Variants in LARGE1 observed in about 807,000 individuals in gnomAD.
The protein encoded by LARGE1 is xylosyl- and glucuronyltransferase LARGE1.
LARGE1 carries 43 observed loss-of-function variants against 87.6 expected under a neutral mutation model. That is an observed-to-expected ratio of 0.49 (90% CI 0.38 to 0.63). The LOEUF is 0.63. LARGE1 is among the 30% of genes least tolerant of loss of function. The pLI is 0.00. For missense variants in LARGE1, 802 were observed against 1,000.2 expected (o/e 0.80, Z 2.67); for synonymous variants, 434 against 394.6 (o/e 1.10, Z -1.18).
rs558063175 is a variant in LARGE1 at position 33,477,099 on chromosome 22, T to A, written c.788-44834A>T. ...AGCTGCGTGGCGGCTCACCGCTAAG[T>A]TTTCAAAGTGCCACTGGTGACAAGA... On this transcript the variant is annotated intron_variant, in intron 6 of 14. Coordinates refer to ENST00000397394, the MANE Select transcript of LARGE1 (RefSeq NM_133642.5). Among the ~76,000 whole-genome samples, 23 of 152,224 alleles carry A rather than the reference T, an allele frequency of 1.5e-4. No individual in the cohort carries two copies. The South Asian group carries it at 4.8e-3, about 32-fold the overall frequency.
intron 6 of LARGE1, among the ~76,000 whole-genome samples, chr22:33,439,419 C>T (rs1347114107): frequency 6.6e-6 from 1 of 152,064 alleles, no homozygotes; most frequent in African/African-American, 2.4e-5. Flanking sequence ...TGTCTCTCAC[C>T]CCACTCCACC....
chr22:33,760,355 A>T (rs1206149270), intron 2 of LARGE1, among the ~76,000 whole-genome samples: 1 of 152,084 alleles, frequency 6.6e-6, no homozygotes, highest in Non-Finnish European at 1.5e-5. Flanking sequence ...AGTAGCAGGG[A>T]TCATCATTTG....
chr22:33,655,501 G>C (rs2080934348), intron 2 of LARGE1, among the ~76,000 whole-genome samples: 1 of 152,222 alleles, frequency 6.6e-6, no homozygotes, highest in Non-Finnish European at 1.5e-5. Context: ...GGCTCTCCTG[G>C]GTCTCCAGCT....
intron 6 of LARGE1, among the ~76,000 whole-genome samples, chr22:33,459,182 G>A (rs2068262015): frequency 6.6e-6 from 1 of 152,082 alleles, no homozygotes; most frequent in Admixed American, 6.6e-5. Flanking sequence ...GTGTCTATGT[G>A]TTCTCAATGT....
At chr22:33,668,748 T>C (rs1054674771) in intron 2 of LARGE1, among the ~76,000 whole-genome samples, 2 of 152,200 alleles carry the variant, frequency 1.3e-5, no homozygotes, top group Non-Finnish European at 2.9e-5. Flanking sequence ...ACAGGAAGGT[T>C]GAAAGCAGGA....
chr22:33,123,431 C>T, the LARGE1 span, among the ~76,000 whole-genome samples: 1 of 152,068 alleles, frequency 6.6e-6, no homozygotes, highest in African/African-American at 2.4e-5. Flanking sequence ...AAAGACATCC[C>T]GGTGGCAAGG....
chr22:33,364,415 G>A (rs544360508), intron 9 of LARGE1, among the ~76,000 whole-genome samples: 16 of 152,130 alleles, frequency 1.1e-4, no homozygotes, highest in African/African-American at 3.9e-4. Flanking sequence ...CCCGTTCCGC[G>A]TTTACGAAGG....
intron 6 of LARGE1, among the ~76,000 whole-genome samples, chr22:33,475,477 T>C (rs2069037209): frequency 6.9e-6 from 1 of 144,732 alleles, no homozygotes; most frequent in South Asian, 2.2e-4. Context: ...TTTATTTATT[T>C]TGAGATGGGG....
At chr22:33,342,734 T>C (rs9621681) in intron 9 of LARGE1, among the ~76,000 whole-genome samples, 5,235 of 152,232 alleles carry the variant, frequency 0.034, 297 homozygotes, top group African/African-American at 0.12. Context: ...CCGCTCTGCA[T>C]CTGTCTAGTT....
intron 6 of LARGE1, among the ~76,000 whole-genome samples, chr22:33,481,004 A>G (rs1344164590): frequency 6.6e-6 from 1 of 152,056 alleles, no homozygotes; most frequent in Non-Finnish European, 1.5e-5. Context: ...TGTTTTCAAA[A>G]TTTCCTCATC....
intron 2 of LARGE1, among the ~76,000 whole-genome samples, chr22:33,741,683 T>C (rs892542376): frequency 1.3e-5 from 2 of 152,160 alleles, no homozygotes; most frequent in African/African-American, 2.4e-5. Flanking sequence ...ACAGGCAGGA[T>C]GAGGTGAGGA....
chr22:33,674,664 A>G (rs184378808), intron 2 of LARGE1, among the ~76,000 whole-genome samples: 4 of 152,066 alleles, frequency 2.6e-5, no homozygotes, highest in African/African-American at 9.6e-5. Context: ...TGCATGGATC[A>G]CTCTTCCAGG....
chr22:33,241,057 TCC>T (rs1443368777), intron 11 of LARGE1, among the ~76,000 whole-genome samples: 1 of 152,168 alleles, frequency 6.6e-6, no homozygotes, highest in Non-Finnish European at 1.5e-5. Context: ...ATCAAGGCAC[TCC>T]CATTTCCGGC....
chr22:33,792,860 C>T (rs371807620), intron 1 of LARGE1, among the ~76,000 whole-genome samples: 99 of 152,302 alleles, frequency 6.5e-4, no homozygotes, highest in African/African-American at 2.4e-3. Context: ...TGTTCAGGGA[C>T]TTCCCCAAAA....
intron 9 of LARGE1, among the ~76,000 whole-genome samples, chr22:33,368,287 T>TTGGGAGGCCGAGG (rs1345617069): frequency 6.6e-6 from 1 of 152,116 alleles, no homozygotes; most frequent in African/African-American, 2.4e-5. Flanking sequence ...TCCCAGCACT[T>TTGGGAGGCCGAGG]TGGGAGGCCG....
At chr22:33,290,904 TG>T (rs1377289727) in intron 12 of LARGE1, among the ~76,000 whole-genome samples, 1 of 152,036 alleles carries the variant, frequency 6.6e-6, no homozygotes, top group Non-Finnish European at 1.5e-5. Flanking sequence ...CTGGGTGTGG[TG>T]GTGCGTGTCT....
At position 33,624,541 on chromosome 22, in the gene LARGE1, G is replaced by A. The variant is rs1331514096; in HGVS notation, c.491+1703C>T. Among the ~76,000 whole-genome samples the A allele has an allele frequency of 2.0e-5, 3 of 152,128 alleles. No individual in the cohort carries two copies. In the East Asian group the frequency reaches 5.8e-4, roughly 29 times the overall value. ...AGAAGGAGGGAGAAATGGGTAGACA[G>A]AGCAGCATAACCAGACACAACAGGC... On this transcript the variant is annotated intron_variant, in intron 4 of 14. Coordinates refer to ENST00000397394, the MANE Select transcript of LARGE1 (RefSeq NM_133642.5).
At chr22:33,759,119 C>T (rs1248498997) in intron 2 of LARGE1, among the ~76,000 whole-genome samples, 1 of 152,148 alleles carries the variant, frequency 6.6e-6, no homozygotes, top group Non-Finnish European at 1.5e-5. Flanking sequence ...AAAAATAGAA[C>T]AAAGGGATAG....
intron 1 of LARGE1, among the ~76,000 whole-genome samples, chr22:33,861,062 C>T (rs542740139): frequency 1.1e-3 from 164 of 152,262 alleles, no homozygotes; most frequent in African/African-American, 3.5e-3. Flanking sequence ...GAGTGGGTAA[C>T]GAAGCGGCAT....
Sources: gnomAD v4.1 joint callset for allele counts (sites outside exome capture counted in the v4.1 genomes callset) on GRCh38, gnomAD v4.1.1 for gene constraint, MANE v1.5 for transcripts, NCBI Gene and HGNC (gene_info 2026-07-23, HGNC 2026-07-21) for gene names.